DOCK3: variants seen among roughly 807,000 people sequenced by gnomAD.
DOCK3 encodes the protein dedicator of cytokinesis protein 3.
Under a neutral mutation model 265.6 loss-of-function variants are expected in DOCK3, and 60 were observed. The ratio of observed to expected loss-of-function variants is 0.23; its 90% CI spans 0.18 to 0.28. The LOEUF is 0.28. Among genes scored for constraint, DOCK3 ranks in the 10% least tolerant of loss-of-function variants. The probability of loss-of-function intolerance (pLI) is 1.00; values close to 1 mark genes in which losing one functional copy is unlikely to be tolerated. For synonymous variants in DOCK3, 881 were observed against 938.0 expected (o/e 0.94, Z 1.11); for missense variants, 1,981 against 2,594.3 (o/e 0.76, Z 5.14).
chr3:51,205,905 G>C (rs1331673638), intron 12 of DOCK3, among the ~76,000 whole-genome samples: 3 of 152,188 alleles, frequency 2.0e-5, no homozygotes, highest in Non-Finnish European at 2.9e-5. Flanking sequence ...CGAGAGTTCA[G>C]TCTTGGCAAT....
In DOCK3 at chr3:51,312,425, A is replaced by G. The variant is rs1176854522; in HGVS notation, c.3094-51A>G. 6.6e-6 allele frequency: 10 copies of G among 1,509,876 alleles called. No individual in the cohort carries two copies. In the East Asian group the frequency reaches 2.0e-4, roughly 31 times the overall value. The allele number at this position is 1,509,876 out of a possible 1,614,324, so 93.5% of individuals were successfully genotyped here. A position where few individuals can be genotyped will look rare whatever the true frequency, so the allele number is the denominator to read the frequency against. On this transcript the variant is annotated intron_variant, in intron 29 of 52. Coordinates refer to ENST00000266037, the MANE Select transcript of DOCK3 (RefSeq NM_004947.5). The stretch of plus-strand genomic sequence containing the variant: ...ATGCATGTATTTAGTAACGCTCCCT[A>G]CAAGATTAAGTTCTTAGACTGTCAC...
chr3:51,246,472 A>G (rs2078848510), intron 21 of DOCK3, among the ~76,000 whole-genome samples: 1 of 152,160 alleles, frequency 6.6e-6, no homozygotes, highest in South Asian at 2.1e-4. Flanking sequence ...CTTGTAATCA[A>G]AAAGAAATGT....
intron 12 of DOCK3, among the ~76,000 whole-genome samples, chr3:51,163,601 G>A (rs2086240714): frequency 6.6e-6 from 1 of 152,056 alleles, no homozygotes. Context: ...CAAAAGGAGA[G>A]GAGTGCCAGG....
At chr3:51,096,205 C>G (rs2082850999) in intron 9 of DOCK3, among the ~76,000 whole-genome samples, 1 of 152,170 alleles carries the variant, frequency 6.6e-6, no homozygotes, top group African/African-American at 2.4e-5. Context: ...GGGAAGTTCT[C>G]CTGCATAATA....
intron 10 of DOCK3, among the ~76,000 whole-genome samples, chr3:51,154,320 A>G (rs2085744729): frequency 6.6e-6 from 1 of 152,226 alleles, no homozygotes. Context: ...GGCTTAGGAG[A>G]TAATGCAAGG....
intron 5 of DOCK3, among the ~76,000 whole-genome samples, chr3:51,008,405 T>A (rs1454916717): frequency 6.6e-6 from 1 of 152,194 alleles, no homozygotes; most frequent in Non-Finnish European, 1.5e-5. Flanking sequence ...GAATGGGAGT[T>A]CACTCGTGAT....
chr3:50,909,649 T>G (rs1308387107), intron 4 of DOCK3, among the ~76,000 whole-genome samples: 4 of 150,378 alleles, frequency 2.7e-5, no homozygotes, highest in Admixed American at 6.6e-5. Context: ...ACGTTTTTTT[T>G]TTTTTTTTTT....
At chr3:51,040,916 C>A (rs1421846470) in intron 5 of DOCK3, among the ~76,000 whole-genome samples, 1 of 151,732 alleles carries the variant, frequency 6.6e-6, no homozygotes, top group African/African-American at 2.4e-5. Flanking sequence ...TTATAGTTTT[C>A]TTGCTAATTC....
chr3:51,275,143 A>G lies in DOCK3; in HGVS notation c.2613A>G (p.Lys871=). The change falls in exon 25 of 53, where the codon AAA becomes AAG. Residue 871 remains lysine, a synonymous_variant. Transcript: ENST00000266037. ...TTCACCTTCACCTGAGGCAGCAGAA[A>G]GAGCTGCTAATTTGCTCAGGGATTC... The part of the protein sequence containing the change: ...HHIHLHLRQQ[K]ELLICSGILG... 1 of 1,613,976 alleles carries G rather than the reference A, an allele frequency of 6.2e-7. No individual in the cohort carries two copies. The highest frequency in any genetic ancestry group is 8.5e-7 in the Non-Finnish European group (1 of 1,179,872).
At chr3:51,183,111 T>C (rs2087398861) in intron 12 of DOCK3, among the ~76,000 whole-genome samples, 1 of 152,254 alleles carries the variant, frequency 6.6e-6, no homozygotes, top group Admixed American at 6.5e-5. Context: ...TGGCCCTTTG[T>C]ATACTTGAAA....
chr3:51,154,064 C>A (rs987229095), intron 10 of DOCK3, among the ~76,000 whole-genome samples: 1 of 152,188 alleles, frequency 6.6e-6, no homozygotes, highest in African/African-American at 2.4e-5. Context: ...CTCTTAAATG[C>A]AAATGGGATT....
chr3:50,787,567 A>T, intron 2 of DOCK3: 1 of 870,846 alleles, frequency 1.1e-6, no homozygotes, highest in Non-Finnish European at 1.8e-6. Flanking sequence ...CACTTCTCAC[A>T]GGTCACACTT....
chr3:51,027,649 A>C (rs1195131512), intron 5 of DOCK3, among the ~76,000 whole-genome samples: 4 of 152,136 alleles, frequency 2.6e-5, no homozygotes, highest in Non-Finnish European at 5.9e-5. Context: ...TATTTAGGAT[A>C]GTTAACTCTT....
intron 9 of DOCK3, among the ~76,000 whole-genome samples, chr3:51,092,880 T>G (rs1231569687): frequency 1.3e-5 from 2 of 152,230 alleles, no homozygotes; most frequent in African/African-American, 2.4e-5. Context: ...CGGGTTCCGT[T>G]GCAGTTTTCT....
At chr3:51,308,212 A>G (rs1576741375) in intron 27 of DOCK3, among the ~76,000 whole-genome samples, 1 of 147,980 alleles carries the variant, frequency 6.8e-6, no homozygotes, top group Admixed American at 6.8e-5. Flanking sequence ...GTTATTATTC[A>G]TCCATTTTTC....
intron 8 of DOCK3, 52 bp from the exon 9 acceptor site, chr3:51,090,178 A>G (rs2082584821): frequency 6.7e-7 from 1 of 1,489,212 alleles, no homozygotes. Context: ...TTAATGATCA[A>G]TATAAAAAAT....
At chr3:50,893,020 T>C (rs1011828668) in intron 4 of DOCK3, among the ~76,000 whole-genome samples, 5 of 152,074 alleles carry the variant, frequency 3.3e-5, no homozygotes, top group African/African-American at 1.2e-4. Flanking sequence ...CACAGAACCC[T>C]GAGACTCTCA....
intron 1 of DOCK3, among the ~76,000 whole-genome samples, chr3:50,762,023 G>A (rs948156403): frequency 8.5e-5 from 13 of 152,142 alleles, no homozygotes; most frequent in South Asian, 6.2e-4. Context: ...ACCAAACACC[G>A]CATGTTCTCA....
intron 22 of DOCK3, among the ~76,000 whole-genome samples, chr3:51,259,814 C>A (rs746299139): frequency 9.9e-5 from 15 of 151,862 alleles, no homozygotes; most frequent in Non-Finnish European, 2.1e-4. Context: ...TATTTCCAGA[C>A]CTGAAAAAAA....
Sources: allele counts gnomAD v4.1 joint callset (sites outside exome capture counted in the v4.1 genomes callset), GRCh38; gene constraint gnomAD v4.1.1; transcripts MANE v1.5; gene names NCBI Gene and HGNC (gene_info 2026-07-23, HGNC 2026-07-21).